BMPER: variants seen among roughly 807,000 people sequenced by gnomAD.
The protein encoded by BMPER is BMP binding endothelial regulator, also known as BMP-binding endothelial regulator protein.
In BMPER, 45 loss-of-function variants were observed where a neutral mutation model predicts 87.3. That is an observed-to-expected ratio of 0.52 (90% CI 0.41 to 0.66). The LOEUF (loss-of-function observed/expected upper bound fraction) is 0.66, where lower values mean the gene tolerates loss of function less well. Ranked by LOEUF, BMPER falls within the 30% of genes least tolerant of loss-of-function variation. BMPER has a pLI of 0.00. For synonymous variants in BMPER, 326 were observed against 316.2 expected (o/e 1.03, Z -0.33); for missense variants, 784 against 867.5 (o/e 0.90, Z 1.21).
chr7:33,982,610 A>T (rs886091400), intron 6 of BMPER, among the ~76,000 whole-genome samples: 5 of 152,152 alleles, frequency 3.3e-5, no homozygotes, highest in Non-Finnish European at 5.9e-5. Context: ...GTGACTGGAC[A>T]ATGAGCTTGT....
intron 11 of BMPER, among the ~76,000 whole-genome samples, chr7:34,075,025 CAT>C (rs569933911): frequency 1.1e-3 from 173 of 151,492 alleles, no homozygotes; most frequent in African/African-American, 3.9e-3. Context: ...TTTTTTAGAA[CAT>C]GTGATTGTAT....
intron 1 of BMPER, 23 bp downstream of exon 1, chr7:33,905,769 C>T: frequency 1.3e-6 from 2 of 1,588,650 alleles, no homozygotes; most frequent in Non-Finnish European, 1.7e-6. Flanking sequence ...GCGGGAGGGA[C>T]CGGCCCTCCG....
intron 6 of BMPER, among the ~76,000 whole-genome samples, chr7:34,040,598 G>A (rs1787806667): frequency 1.3e-5 from 2 of 152,158 alleles, no homozygotes; most frequent in South Asian, 4.1e-4. Context: ...AATAGAATGA[G>A]GAGCCACTAA....
At chr7:34,057,560 C>T (rs543329571) in intron 9 of BMPER, among the ~76,000 whole-genome samples, 2 of 152,304 alleles carry the variant, frequency 1.3e-5, no homozygotes, top group East Asian at 3.9e-4. Flanking sequence ...TTGAATTAGC[C>T]TGTCTTCTAT....
intron 6 of BMPER, among the ~76,000 whole-genome samples, chr7:33,989,248 C>T (rs932077576): frequency 5.5e-5 from 8 of 145,356 alleles, no homozygotes; most frequent in Non-Finnish European, 1.2e-4. Context: ...TAAAAGTGTT[C>T]CTGTTTCTCC....
At chr7:33,944,981 A>G (rs890868510) in intron 3 of BMPER, among the ~76,000 whole-genome samples, 2 of 152,048 alleles carry the variant, frequency 1.3e-5, no homozygotes, top group African/African-American at 4.8e-5. Flanking sequence ...TCGCTCTGTC[A>G]CCCAGGCTGG....
chr7:34,052,400 A>T (rs992218892), intron 8 of BMPER, among the ~76,000 whole-genome samples: 3 of 152,200 alleles, frequency 2.0e-5, no homozygotes, highest in Non-Finnish European at 4.4e-5. Flanking sequence ...GGAAGAGAGT[A>T]TTTATGTGCT....
chr7:34,035,180 G>T (rs908419320), intron 6 of BMPER, among the ~76,000 whole-genome samples: 1 of 152,164 alleles, frequency 6.6e-6, no homozygotes, highest in Non-Finnish European at 1.5e-5. Context: ...GTCTCTCTGC[G>T]CAGTGTTCCT....
intron 6 of BMPER, among the ~76,000 whole-genome samples, chr7:33,980,392 T>C (rs188647281): frequency 6.6e-6 from 1 of 152,358 alleles, no homozygotes; most frequent in Non-Finnish European, 1.5e-5. Flanking sequence ...AAGCAAAGAA[T>C]AGTTTATAAA....
intron 6 of BMPER, among the ~76,000 whole-genome samples, chr7:33,999,601 C>T (rs1786523040): frequency 6.6e-6 from 1 of 152,206 alleles, no homozygotes; most frequent in Non-Finnish European, 1.5e-5. Context: ...TCTCTTTTCT[C>T]TCAGAGCCTT....
chr7:33,999,165 A>G (rs1404923115), intron 6 of BMPER, among the ~76,000 whole-genome samples: 1 of 152,272 alleles, frequency 6.6e-6, no homozygotes, highest in Non-Finnish European at 1.5e-5. Context: ...TTTAGAGTCA[A>G]AATTCAAAAT....
intron 2 of BMPER, among the ~76,000 whole-genome samples, chr7:33,909,370 A>G (rs4720145): frequency 0.67 from 101,239 of 152,058 alleles, 33,959 homozygotes; most frequent in Middle Eastern, 0.83. Flanking sequence ...TAGAAAGAAC[A>G]TCCAAATTAT....
At chr7:33,925,665 C>A (rs761694006) in intron 2 of BMPER, among the ~76,000 whole-genome samples, 3 of 152,038 alleles carry the variant, frequency 2.0e-5, no homozygotes, top group Non-Finnish European at 4.4e-5. Flanking sequence ...GCAAGAAAAT[C>A]GTGGCACAAG....
intron 2 of BMPER, among the ~76,000 whole-genome samples, chr7:33,908,715 T>A (rs1585624224): frequency 6.6e-6 from 1 of 152,314 alleles, no homozygotes; most frequent in East Asian, 1.9e-4. Context: ...CTGTCAGAAA[T>A]CCTTTCTAAA....
intron 11 of BMPER, among the ~76,000 whole-genome samples, chr7:34,074,249 C>G (rs933404641): frequency 3.3e-5 from 5 of 152,184 alleles, no homozygotes; most frequent in African/African-American, 1.2e-4. Flanking sequence ...TCCACCCCCA[C>G]CCCCATACAT....
At chr7:34,142,341 C>T (rs1160852423) in intron 13 of BMPER, among the ~76,000 whole-genome samples, 1 of 152,152 alleles carries the variant, frequency 6.6e-6, no homozygotes, top group African/African-American at 2.4e-5. Flanking sequence ...AAAATGACCC[C>T]TTCATTTATG....
chr7:34,049,228 T>C (rs932828870), intron 7 of BMPER, among the ~76,000 whole-genome samples: 1 of 152,194 alleles, frequency 6.6e-6, no homozygotes, highest in African/African-American at 2.4e-5. Flanking sequence ...CATATTTGAA[T>C]TATATCACCT....
intron 12 of BMPER, among the ~76,000 whole-genome samples, chr7:34,084,022 G>T (rs1425483091): frequency 7.1e-6 from 1 of 140,890 alleles, no homozygotes; most frequent in Non-Finnish European, 1.5e-5. Flanking sequence ...AAAAAAAAAA[G>T]GCCGCATGCA....
intron 6 of BMPER, among the ~76,000 whole-genome samples, chr7:34,028,608 T>TTTTTTTTTG (rs1787435495): frequency 9.0e-6 from 1 of 111,174 alleles, no homozygotes; most frequent in Non-Finnish European, 1.8e-5. Context: ...TCTGTTTTTT[T>TTTTTTTTTG]TTTTTTTTTT....
Sources: allele counts gnomAD v4.1 joint callset (sites outside exome capture counted in the v4.1 genomes callset), GRCh38; gene constraint gnomAD v4.1.1; transcripts MANE v1.5; gene names NCBI Gene and HGNC (gene_info 2026-07-23, HGNC 2026-07-21).